RSRC1: variants seen among roughly 807,000 people sequenced by gnomAD.
RSRC1 encodes serine/Arginine-related protein 53.
Under a neutral mutation model 49.1 loss-of-function variants are expected in RSRC1, and 39 were observed. The ratio of observed to expected loss-of-function variants is 0.79; its 90% CI spans 0.61 to 1.04. The LOEUF is 1.04. RSRC1 is among the 50% of genes least tolerant of loss of function. The probability of loss-of-function intolerance (pLI) is 0.00; values close to 1 mark genes in which losing one functional copy is unlikely to be tolerated. For synonymous variants in RSRC1, 143 were observed against 130.8 expected (o/e 1.09, Z -0.63); for missense variants, 388 against 402.4 (o/e 0.96, Z 0.31).
At chr3:158,218,465 G>T (rs1301117939) in intron 4 of RSRC1, among the ~76,000 whole-genome samples, 1 of 151,624 alleles carries the variant, frequency 6.6e-6, no homozygotes, top group Non-Finnish European at 1.5e-5. Context: ...TTAGTTTTCT[G>T]ATTTATATCA....
At chr3:158,197,917 G>C (rs1720742184) in intron 3 of RSRC1, among the ~76,000 whole-genome samples, 1 of 152,074 alleles carries the variant, frequency 6.6e-6, no homozygotes, top group Non-Finnish European at 1.5e-5. Context: ...CCCACTATGT[G>C]GTCAGTTTTG....
chr3:158,174,122 A>G (rs904625508), intron 3 of RSRC1, among the ~76,000 whole-genome samples: 3 of 151,946 alleles, frequency 2.0e-5, no homozygotes, highest in African/African-American at 7.2e-5. Flanking sequence ...CAACAAAGTT[A>G]TTTTTAAAAA....
chr3:158,350,234 G>A (rs571339121), intron 5 of RSRC1, among the ~76,000 whole-genome samples: 39 of 145,234 alleles, frequency 2.7e-4, no homozygotes, highest in African/African-American at 1.0e-3. Flanking sequence ...CTGGAGTACA[G>A]TCGTGTGATC....
intron 6 of RSRC1, among the ~76,000 whole-genome samples, chr3:158,456,273 C>T (rs1418766752): frequency 2.0e-5 from 3 of 150,436 alleles, no homozygotes; most frequent in African/African-American, 4.9e-5. Flanking sequence ...TTGATTGAAC[C>T]AGTAGATGGG....
At chr3:158,383,770 A>G (rs546925339) in intron 6 of RSRC1, among the ~76,000 whole-genome samples, 213 of 152,282 alleles carry the variant, frequency 1.4e-3, no homozygotes, top group African/African-American at 4.7e-3. Flanking sequence ...ACAGTATACA[A>G]GTTTATAATG....
chr3:158,162,412 T>A (rs1718285760), intron 3 of RSRC1, among the ~76,000 whole-genome samples: 1 of 152,072 alleles, frequency 6.6e-6, no homozygotes, highest in African/African-American at 2.4e-5. Context: ...ATGGTTTCCT[T>A]TTTTTTGGTC....
intron 4 of RSRC1, among the ~76,000 whole-genome samples, chr3:158,283,629 T>C (rs1244014966): frequency 6.6e-6 from 1 of 152,206 alleles, no homozygotes; most frequent in African/African-American, 2.4e-5. Context: ...AGTTTGCCAT[T>C]ATTGGGCATT....
intron 4 of RSRC1, among the ~76,000 whole-genome samples, chr3:158,266,633 A>G (rs1056857218): frequency 6.6e-6 from 1 of 152,122 alleles, no homozygotes; most frequent in Non-Finnish European, 1.5e-5. Context: ...TTGTTCCTCT[A>G]CAAATTACAC....
At chr3:158,490,519 A>G (rs996935145) in intron 7 of RSRC1, among the ~76,000 whole-genome samples, 8 of 152,258 alleles carry the variant, frequency 5.3e-5, no homozygotes, top group African/African-American at 1.9e-4. Flanking sequence ...GATGTAAAGT[A>G]TCATTATTTT....
intron 3 of RSRC1, among the ~76,000 whole-genome samples, chr3:158,194,393 T>C (rs978922420): frequency 6.6e-6 from 1 of 151,770 alleles, no homozygotes. Context: ...ATACACTGAA[T>C]AATTATTTGC....
intron 3 of RSRC1, among the ~76,000 whole-genome samples, chr3:158,160,177 C>A (rs934068942): frequency 1.3e-5 from 2 of 152,248 alleles, no homozygotes; most frequent in Non-Finnish European, 2.9e-5. Flanking sequence ...CCCCTGAAGT[C>A]TTTTAAGATG....
Position 158,532,130 on chromosome 3 carries a change from A to T in RSRC1, c.653-4962A>T, listed in dbSNP as rs7633402. On this transcript the variant is annotated intron_variant, in intron 7 of 9. Coordinates refer to ENST00000611884, the MANE Select transcript of RSRC1 (RefSeq NM_001271838.2). Reference sequence around the variant, plus strand: ...ATTTGTAGCAATATTATTAGTATATATTTTTTTCCTGGAATAGTAACATAA... The same window carrying T: ...ATTTGTAGCAATATTATTAGTATATTTTTTTTTCCTGGAATAGTAACATAA... Among the ~76,000 whole-genome samples, 482 of 151,868 alleles carry T rather than the reference A, an allele frequency of 3.2e-3. 2 individuals carry two copies. Among genetic ancestry groups the T allele is most frequent in the African/African-American group, 0.011 (463 of 41,476 alleles).
At chr3:158,152,797 T>C (rs372616699) in intron 3 of RSRC1, among the ~76,000 whole-genome samples, 20 of 152,328 alleles carry the variant, frequency 1.3e-4, no homozygotes, top group East Asian at 3.9e-4. Context: ...ATATGACTTT[T>C]AGTTTTAACT....
chr3:158,472,281 A>T (rs763400977), intron 7 of RSRC1, among the ~76,000 whole-genome samples: 1 of 152,164 alleles, frequency 6.6e-6, no homozygotes, highest in African/African-American at 2.4e-5. Context: ...TTCTGTCTGT[A>T]AAATAACTTG....
intron 7 of RSRC1, among the ~76,000 whole-genome samples, chr3:158,507,578 G>T (rs1477626693): frequency 6.6e-6 from 1 of 152,058 alleles, no homozygotes; most frequent in Admixed American, 6.6e-5. Context: ...TATTATAAAT[G>T]TTGTTCTGAA....
chr3:158,137,447 T>C (rs569821429), intron 3 of RSRC1, among the ~76,000 whole-genome samples: 28 of 151,748 alleles, frequency 1.8e-4, no homozygotes, highest in Admixed American at 1.6e-3. Context: ...GCTATTTTGC[T>C]TTAAGATGAT....
In RSRC1 at chr3:158,203,249, A is replaced by C. The variant is rs1721174538; in HGVS notation, c.494+4A>C. On this transcript the variant is annotated splice_donor_region_variant and intron_variant, in intron 4 of 9. Transcript: ENST00000611884. Reference sequence around the variant, plus strand: ...AATTACATAACATCAAACGTGGGTAAGTTGGAGCAAATCTTATCTGGTAAG... The same window carrying C: ...AATTACATAACATCAAACGTGGGTACGTTGGAGCAAATCTTATCTGGTAAG... 1 of 1,570,114 alleles carries C rather than the reference A, an allele frequency of 6.4e-7. No homozygotes were observed. The highest frequency in any genetic ancestry group is 1.3e-5 in the African/African-American group (1 of 74,112).
intron 6 of RSRC1, among the ~76,000 whole-genome samples, chr3:158,453,275 G>T (rs1737145425): frequency 6.6e-6 from 1 of 151,314 alleles, no homozygotes; most frequent in African/African-American, 2.5e-5. Flanking sequence ...TCAAACTCTT[G>T]TGCACACATA....
chr3:158,477,397 G>A (rs531076538), intron 7 of RSRC1, among the ~76,000 whole-genome samples: 6 of 152,170 alleles, frequency 3.9e-5, no homozygotes, highest in African/African-American at 1.4e-4. Context: ...TATTTAAAAT[G>A]GCCATAGCCA....
Sources: gnomAD v4.1 joint callset for allele counts (sites outside exome capture counted in the v4.1 genomes callset) on GRCh38, gnomAD v4.1.1 for gene constraint, MANE v1.5 for transcripts, NCBI Gene and HGNC (gene_info 2026-07-23, HGNC 2026-07-21) for gene names.